The following HAUS5 variants were observed in gnomAD, a reference collection of about 807,000 sequenced individuals.
HAUS5 encodes HAUS augmin-like complex subunit 5.
HAUS5 carries 67 observed loss-of-function variants against 94.1 expected under a neutral mutation model. The observed-to-expected ratio is 0.71, with a 90% CI of 0.58 to 0.87. HAUS5 has a LOEUF of 0.87. Ranked by LOEUF, HAUS5 falls within the 40% of genes least tolerant of loss-of-function variation. The pLI is 0.00. For synonymous variants in HAUS5, 339 were observed against 355.4 expected (o/e 0.95, Z 0.52); for missense variants, 739 against 825.6 (o/e 0.90, Z 1.29).
Position 35,619,041 on chromosome 19 carries a change from C to T in HAUS5, c.1171C>T (p.Gln391Ter). 6.3e-7 allele frequency: 1 copy of T among 1,590,628 alleles called. No individual in the cohort carries two copies. Among genetic ancestry groups the T allele is most frequent in the Non-Finnish European group, 8.5e-7 (1 of 1,169,870 alleles). The change falls in exon 13 of 19, where the codon CAG (glutamine) becomes TAG (stop). Residue 391 changes from glutamine (Q) to a stop codon, truncating the protein, a stop_gained. Transcript: ENST00000203166. LOFTEE classifies it high-confidence loss of function. ...AKQQRILHWRQLVEETQEQVR... is the reference protein window; with the variant it reads ...AKQQRILHWR The stretch of plus-strand genomic sequence containing the variant: ...ACAGCAGCGGATCCTGCACTGGCGC[C>T]AGCTGGTGGTGAGAGGCTAGGCCCA...
At position 35,619,503 on chromosome 19, in the gene HAUS5, A is replaced by G; in HGVS notation, c.1259A>G (p.Glu420Gly). Reference protein sequence around the residue: ...SKTRLCRSPGEVLALVQRKVV... With the variant: ...SKTRLCRSPGGVLALVQRKVV... ...ACCCGCCTGTGCCGGAGCCCGGGGGAGGTGAGATGGGAGTTGGGGTGAGGT... is the reference window on the plus strand; with the variant it reads ...ACCCGCCTGTGCCGGAGCCCGGGGGGGGTGAGATGGGAGTTGGGGTGAGGT... Residue 420 changes from glutamate (E) to glycine (G), a missense_variant and splice_region_variant, in exon 14 of 19, where the codon GAG (glutamate) becomes GGG (glycine). Transcript: ENST00000203166. 1 of 1,608,768 alleles carries G rather than the reference A, an allele frequency of 6.2e-7. No homozygotes were observed. The highest frequency in any genetic ancestry group is 8.5e-7 in the Non-Finnish European group (1 of 1,177,184).
At chr19:35,614,509 G>A (rs576776783) in intron 4 of HAUS5, among the ~76,000 whole-genome samples, 2 of 152,304 alleles carry the variant, frequency 1.3e-5, no homozygotes, top group African/African-American at 2.4e-5. Context: ...GCTTGAACCT[G>A]GGAGGCAGAG....
intron 17 of HAUS5, 93 bp downstream of exon 17, chr19:35,620,420 C>A: frequency 1.7e-6 from 2 of 1,174,560 alleles, no homozygotes; most frequent in Non-Finnish European, 2.4e-6. Context: ...GTTGTTTACG[C>A]AGTGCCCATT....
At chr19:35,615,427 G>C (rs2071934537) in intron 6 of HAUS5, 41 bp downstream of exon 6, 2 of 1,529,196 alleles carry the variant, frequency 1.3e-6, no homozygotes, top group Non-Finnish European at 8.9e-7. Flanking sequence ...TGGGTGGCCA[G>C]ACATTCTCTT....
chr19:35,618,738 G>A (rs746704627), intron 12 of HAUS5, 39 bp downstream of exon 12: 36 of 1,545,798 alleles, frequency 2.3e-5, no homozygotes, highest in Admixed American at 5.9e-5. Context: ...AGGCCATCTC[G>A]CTTCTGAGTG....
At chr19:35,619,584 G>GCGCCCCCCCCCCCCCC in intron 14 of HAUS5, 29 bp from the exon 15 acceptor site, 1 of 1,533,864 alleles carries the variant, frequency 6.5e-7, no homozygotes, top group South Asian at 1.2e-5. Flanking sequence ...ATGTTGTGAT[G>GCGCCCCCCCCCCCCCC]CCCCACCCAC....
rs778655298 is a variant in HAUS5, at chr19:35,612,765, G to A, written c.-30G>A. On this transcript the variant is annotated 5_prime_UTR_variant, in exon 1 of 19. Coordinates refer to ENST00000203166, the MANE Select transcript of HAUS5 (RefSeq NM_015302.2). The stretch of plus-strand genomic sequence containing the variant: ...CGGGCGCCACACTTGAAGAGGCTGA[G>A]GGAGGCGGTGTCGCCGCCGCGGCGC... 67 of 1,511,236 alleles carry A rather than the reference G, an allele frequency of 4.4e-5. No individual in the cohort carries two copies. Among genetic ancestry groups the A allele is most frequent in the Non-Finnish European group, 5.9e-5 (66 of 1,119,574 alleles). The allele number at this position is 1,511,236 out of a possible 1,614,324, so 93.6% of individuals were successfully genotyped here. A position where few individuals can be genotyped will look rare whatever the true frequency, so the allele number is the denominator to read the frequency against.
In HAUS5 at chr19:35,624,102, G is replaced by GTTTTTTTTTTTTTTTTTTTTTTTTT. The variant is rs55750807; in HGVS notation, c.*1129_*1130insTTTTTTTTTTTTTTTTTTTTTTTTT. The stretch of plus-strand genomic sequence containing the variant: ...GTCATATCTGTTCTTGTTTTCTTTT[G>GTTTTTTTTTTTTTTTTTTTTTTTTT]TTTTTTTTTTTTTTTTTTTTGAGAT... On this transcript the variant is annotated 3_prime_UTR_variant, in exon 19 of 19. Transcript: ENST00000203166. 9.6e-6 allele frequency: 1 copy of GTTTTTTTTTTTTTTTTTTTTTTTTT among 103,980 alleles called. No individual in the cohort carries two copies. The highest frequency in any genetic ancestry group is 1.8e-5 in the Non-Finnish European group (1 of 55,238). 6.4% of individuals were successfully genotyped at this position (103,980 alleles called of 1,614,324 possible). A position where few individuals can be genotyped will look rare whatever the true frequency, so the allele number is the denominator to read the frequency against.
Position 35,615,135 on chromosome 19 carries a change from A to G in HAUS5, c.313A>G (p.Thr105Ala). 1 of 1,610,380 alleles carries G rather than the reference A, an allele frequency of 6.2e-7. No individual in the cohort carries two copies. The highest frequency in any genetic ancestry group is 8.5e-7 in the Non-Finnish European group (1 of 1,178,234). The stretch of plus-strand genomic sequence containing the variant: ...GAGCCTGGAGCTGATGGAGCGAGAC[A>G]CTGAGGCTCAGGGTGAGCCATGGGG... Reference protein sequence around the residue: ...DQSLELMERDTEAQDTAMEQA... With the variant: ...DQSLELMERDAEAQDTAMEQA... Residue 105 changes from threonine (T) to alanine (A), a missense_variant, in exon 5 of 19, where the codon ACT (threonine) becomes GCT (alanine). Coordinates refer to ENST00000203166, the MANE Select transcript of HAUS5 (RefSeq NM_015302.2).
intron 15 of HAUS5, 102 bp from the exon 16 acceptor site, chr19:35,619,910 C>T (rs952502203): frequency 3.8e-5 from 58 of 1,534,558 alleles, no homozygotes; most frequent in Non-Finnish European, 5.0e-5. Flanking sequence ...TCTTGGCATC[C>T]TAGTCCCCAG....
rs201846698 is a variant in HAUS5, at chr19:35,624,450, TTTTC to T, written c.*1473_*1476del. On this transcript the variant is annotated 3_prime_UTR_variant, in exon 19 of 19. Coordinates refer to ENST00000203166, the MANE Select transcript of HAUS5 (RefSeq NM_015302.2). ...GCTGGATTCTCTTAGGTGCTTTTCTTTTTCTTTCTTTCTTTCTTTTTTTGAGACA... is the reference window on the plus strand; with the variant it reads ...GCTGGATTCTCTTAGGTGCTTTTCTTTTTCTTTCTTTCTTTTTTTGAGACA... 0.015 allele frequency: 2,305 copies of T among 151,212 alleles called. 27 individuals are homozygous for T. The highest frequency in any genetic ancestry group is 0.022 in the Non-Finnish European group (1,461 of 67,874). The allele number at this position is 151,212 out of a possible 1,614,324, so 9.4% of individuals were successfully genotyped here. A position where few individuals can be genotyped will look rare whatever the true frequency, so the allele number is the denominator to read the frequency against.
intron 14 of HAUS5, 29 bp from the exon 15 acceptor site, chr19:35,619,584 G>GGCGCC: frequency 6.5e-7 from 1 of 1,533,894 alleles, no homozygotes; most frequent in Non-Finnish European, 8.9e-7. Context: ...ATGTTGTGAT[G>GGCGCC]CCCCACCCAC....
Position 35,615,296 on chromosome 19 carries a change from A to G in HAUS5, c.395A>G (p.Gln132Arg). ...TQRRALLLRA[Q>R]AGAMRRQQHT... ...CGTCGAGCTCTCCTCCTCCGGGCCC[A>G]AGCTGGGGCCATGCGAAGACAGCAG... Residue 132 changes from glutamine (Q) to arginine (R), a missense_variant, in exon 6 of 19, where the codon CAA (glutamine) becomes CGA (arginine). By Grantham distance (43) the Gln-to-Arg change is conservative (BLOSUM62 1). Coordinates refer to ENST00000203166, the MANE Select transcript of HAUS5 (RefSeq NM_015302.2). 1 of 1,613,934 alleles carries G rather than the reference A, an allele frequency of 6.2e-7. No individual in the cohort carries two copies. The highest frequency in any genetic ancestry group is 8.5e-7 in the Non-Finnish European group (1 of 1,179,970).
At chr19:35,618,785 C>G (rs1036707139) in intron 12 of HAUS5, 86 bp downstream of exon 12, 60 of 1,520,816 alleles carry the variant, frequency 3.9e-5, no homozygotes, top group Non-Finnish European at 5.1e-5. Flanking sequence ...TCTGTGGCTC[C>G]TATCTCTGCC....
chr19:35,614,166 A>G (rs2071920605), intron 4 of HAUS5, 107 bp downstream of exon 4: 2 of 987,602 alleles, frequency 2.0e-6, no homozygotes, highest in Admixed American at 3.6e-5. Flanking sequence ...AATGGGTCAC[A>G]AGACAGCCTT....
rs1020974991 is a variant in HAUS5, at chr19:35,612,867, C to T, written c.73C>T (p.Arg25Trp). ...AGAGATGGGGGTGCCCGTGGCGGCCCGGGCCCCGGAATCGACGCTGCGCAG... is the reference window on the plus strand; with the variant it reads ...AGAGATGGGGGTGCCCGTGGCGGCCTGGGCCCCGGAATCGACGCTGCGCAG... ...VEEMGVPVAA[R>W]APESTLRRLC... The change falls in exon 1 of 19, where the codon CGG becomes TGG. Residue 25 changes from arginine (R) to tryptophan (W), a missense_variant. By Grantham distance (101) the Arg-to-Trp change is moderately radical (BLOSUM62 -3). Transcript: ENST00000203166. 10 of 1,545,812 alleles carry T rather than the reference C, an allele frequency of 6.5e-6. No individual in the cohort carries two copies. The highest frequency in any genetic ancestry group is 1.4e-5 in the African/African-American group (1 of 72,686).
rs2146339843 is a variant in HAUS5 at position 35,619,763 on chromosome 19, G to T, written c.1406+5G>T. On this transcript the variant is annotated splice_donor_5th_base_variant and intron_variant, in intron 15 of 18. Coordinates refer to ENST00000203166, the MANE Select transcript of HAUS5 (RefSeq NM_015302.2). ...GCTGCGGCACAGGCCGGGAGAGTGA[G>T]ACTGGGGCTGCCCCACCCCTGCCCT... 1 of 1,540,262 alleles carries T rather than the reference G, an allele frequency of 6.5e-7. No homozygotes were observed. The highest frequency in any genetic ancestry group is 8.8e-7 in the Non-Finnish European group (1 of 1,142,096).
At chr19:35,619,583 T>TGCG (rs2146339471) in intron 14 of HAUS5, 30 bp from the exon 15 acceptor site, 29 of 1,553,088 alleles carry the variant, frequency 1.9e-5, no homozygotes, top group Non-Finnish European at 2.2e-5. Flanking sequence ...GATGTTGTGA[T>TGCG]GCCCCACCCA....
chr19:35,618,488 C>A (rs763373494), intron 11 of HAUS5, 23 bp downstream of exon 11: 2 of 1,614,110 alleles, frequency 1.2e-6, no homozygotes, highest in Non-Finnish European at 1.7e-6. Context: ...CTCGCCTCCC[C>A]ACCACATTCC....
Sources: allele counts gnomAD v4.1 joint callset (sites outside exome capture counted in the v4.1 genomes callset), GRCh38; gene constraint gnomAD v4.1.1; transcripts MANE v1.5; gene names NCBI Gene and HGNC (gene_info 2026-07-23, HGNC 2026-07-21).